LYPD1: variants seen among roughly 807,000 people sequenced by gnomAD.
LYPD1 encodes the protein ly6/PLAUR domain-containing protein 1.
LYPD1 carries 14 observed loss-of-function variants against 14.2 expected under a neutral mutation model. The ratio of observed to expected loss-of-function variants is 0.99; its 90% CI spans 0.65 to 1.54. The LOEUF (loss-of-function observed/expected upper bound fraction) is 1.54. Among genes scored for constraint, LYPD1 ranks in the 40% most tolerant of loss-of-function variants. The probability of loss-of-function intolerance (pLI) is 0.00; values close to 1 mark genes in which losing one functional copy is unlikely to be tolerated. For missense variants in LYPD1, 165 were observed against 175.7 expected, an observed-to-expected ratio of 0.94 and a Z score of 0.34; for synonymous variants, 85 against 70.6, an observed-to-expected ratio of 1.20 and a Z score of -1.02.
intron 2 of LYPD1, among the ~76,000 whole-genome samples, chr2:132,649,914 C>A (rs1682288594): frequency 1.3e-5 from 2 of 152,014 alleles, no homozygotes; most frequent in African/African-American, 4.8e-5. Context: ...AAAGGCTATT[C>A]TATGACATAA....
chr2:132,651,754 T>G (rs1470173669), intron 2 of LYPD1, among the ~76,000 whole-genome samples: 1 of 152,184 alleles, frequency 6.6e-6, no homozygotes, highest in African/African-American at 2.4e-5. Context: ...CACAAAGCAA[T>G]ATAATACGTG....
rs771694706 is a variant in LYPD1 at position 132,645,367 on chromosome 2, C to A, written c.*678G>T. 1 of 1,613,886 alleles carries A rather than the reference C, an allele frequency of 6.2e-7. No homozygotes were observed. Among genetic ancestry groups the A allele is most frequent in the Admixed American group, 1.7e-5 (1 of 60,016 alleles). Reference sequence around the variant, plus strand: ...GCACGCCAACCACGAGAAGCGCCTGCGCGTACATGCGCACTCCACCACCGA... The same window carrying A: ...GCACGCCAACCACGAGAAGCGCCTGAGCGTACATGCGCACTCCACCACCGA... On this transcript the variant is annotated 3_prime_UTR_variant, in exon 3 of 3. Coordinates refer to ENST00000397463, the MANE Select transcript of LYPD1 (RefSeq NM_144586.7).
intron 2 of LYPD1, among the ~76,000 whole-genome samples, chr2:132,663,366 C>T (rs368714328): frequency 1.9e-3 from 284 of 152,288 alleles, no homozygotes; most frequent in African/African-American, 6.5e-3. Context: ...CTCCACCTCC[C>T]GGGTTCAAGC....
At chr2:132,648,252 TGA>T (rs1682211392) in intron 2 of LYPD1, among the ~76,000 whole-genome samples, 3 of 150,744 alleles carry the variant, frequency 2.0e-5, no homozygotes, top group Admixed American at 6.6e-5. Flanking sequence ...TTTCTTTAAG[TGA>T]ATTTTTAAAC....
chr2:132,670,511 T>A (rs1283506198), upstream of LYPD1, among the ~76,000 whole-genome samples: 1 of 152,076 alleles, frequency 6.6e-6, no homozygotes, highest in African/African-American at 2.4e-5. This position sits in a 1 kb window ranked among gnomAD's most constrained non-coding sequence, Gnocchi z 4.5. Context: ...GTCTGAGGAC[T>A]GCGTGCCCGG....
intron 2 of LYPD1, among the ~76,000 whole-genome samples, chr2:132,649,911 A>G (rs1410373544): frequency 1.3e-5 from 2 of 152,168 alleles, no homozygotes; most frequent in South Asian, 2.1e-4. Context: ...TGTAAAGGCT[A>G]TTCTATGACA....
At chr2:132,668,190 CCCTTGGGGAGAAG>C (rs1490086583) in intron 2 of LYPD1, among the ~76,000 whole-genome samples, 197 bp downstream of exon 2, 2 of 147,194 alleles carry the variant, frequency 1.4e-5, no homozygotes, top group Non-Finnish European at 3.0e-5. Flanking sequence ...CCTCCCAAGA[CCCTTGGGGAGAAG>C]CCTTGGTAAT....
chr2:132,645,949 TA>T lies in LYPD1; in HGVS notation c.*95del. On this transcript the variant is annotated 3_prime_UTR_variant, in exon 3 of 3. Coordinates refer to ENST00000397463, the MANE Select transcript of LYPD1 (RefSeq NM_144586.7). ...ACGGACTCCCGCTCCCTACCCAGAA[TA>T]AAAGGACACCCAGAAGAAACTCACT... The T allele has an allele frequency of 1.1e-6, 1 of 919,730 alleles. No individual in the cohort carries two copies. The highest frequency in any genetic ancestry group is 1.6e-6 in the Non-Finnish European group (1 of 620,596). The allele number at this position is 919,730 out of a possible 1,614,324, so 57.0% of individuals were successfully genotyped here. A position where few individuals can be genotyped will look rare whatever the true frequency, so the allele number is the denominator to read the frequency against.
At chr2:132,647,765 C>A (rs1418606804) in intron 2 of LYPD1, among the ~76,000 whole-genome samples, 3 of 152,178 alleles carry the variant, frequency 2.0e-5, no homozygotes, top group Non-Finnish European at 4.4e-5. Context: ...AGCATCCCAC[C>A]AGCAGCCGGG....
Position 132,669,817 on chromosome 2 carries a change from A to G in LYPD1, c.52+64T>C, listed in dbSNP as rs1257259471. 1.9e-6 allele frequency: 3 copies of G among 1,591,314 alleles called. No individual in the cohort carries two copies. The highest frequency in any genetic ancestry group is 1.7e-5 in the Admixed American group (1 of 57,352). On this transcript the variant is annotated intron_variant, in intron 1 of 2. Coordinates refer to ENST00000397463, the MANE Select transcript of LYPD1 (RefSeq NM_144586.7). The surrounding 1 kb of genome is among the most constrained non-coding windows in gnomAD (Gnocchi z 4.3). The stretch of plus-strand genomic sequence containing the variant: ...CCGAGGTGGGCGCCTTGGGGGCAAA[A>G]GGGCTGGCGGGTAGATGGATTGTGC...
intron 2 of LYPD1, among the ~76,000 whole-genome samples, chr2:132,655,514 ATTTTTTTT>A (rs1180944589): frequency 1.0e-5 from 1 of 99,494 alleles, no homozygotes; most frequent in Non-Finnish European, 1.8e-5. Flanking sequence ...GTTGAGAAGC[ATTTTTTTT>A]TTTTTTTTTT....
intron 2 of LYPD1, among the ~76,000 whole-genome samples, chr2:132,661,848 A>T (rs1468154113): frequency 6.6e-6 from 1 of 152,242 alleles, no homozygotes; most frequent in African/African-American, 2.4e-5. Context: ...AAAACCACAT[A>T]ATTGCATACT....
intron 2 of LYPD1, among the ~76,000 whole-genome samples, chr2:132,653,702 A>G (rs776747963): frequency 2.0e-5 from 3 of 152,236 alleles, no homozygotes; most frequent in Non-Finnish European, 4.4e-5. Context: ...TTACAGTGGA[A>G]AAACCCAGCA....
intron 2 of LYPD1, among the ~76,000 whole-genome samples, chr2:132,653,941 A>T (rs1682447902): frequency 6.6e-6 from 1 of 152,234 alleles, no homozygotes; most frequent in Non-Finnish European, 1.5e-5. Flanking sequence ...CACAAAAGAC[A>T]TGGAAAGAAT....
At chr2:132,662,291 G>A (rs570316017) in intron 2 of LYPD1, among the ~76,000 whole-genome samples, 1 of 152,246 alleles carries the variant, frequency 6.6e-6, no homozygotes, top group South Asian at 2.1e-4. Context: ...TATACTGACC[G>A]CATTTCTCAT....
intron 2 of LYPD1, among the ~76,000 whole-genome samples, chr2:132,658,899 A>G (rs183985184): frequency 1.6e-3 from 241 of 152,308 alleles, no homozygotes; most frequent in African/African-American, 5.6e-3. Flanking sequence ...AGGACTGGCC[A>G]GTGGTAACCT....
At chr2:132,664,802 T>C (rs776031234) in intron 2 of LYPD1, among the ~76,000 whole-genome samples, 1 of 152,220 alleles carries the variant, frequency 6.6e-6, no homozygotes, top group Non-Finnish European at 1.5e-5. Flanking sequence ...TTCACATTCT[T>C]TATTCCCTGG....
At chr2:132,660,261 A>G (rs1417980862) in intron 2 of LYPD1, among the ~76,000 whole-genome samples, 1 of 152,244 alleles carries the variant, frequency 6.6e-6, no homozygotes, top group Non-Finnish European at 1.5e-5. Context: ...TGGTTTGCAA[A>G]GTCATAAACC....
Position 132,645,579 on chromosome 2 carries a change from G to T in LYPD1, c.*466C>A, listed in dbSNP as rs1035250437. 3 of 1,613,702 alleles carry T rather than the reference G, an allele frequency of 1.9e-6. No homozygotes were observed. In the Admixed American group the frequency reaches 5.0e-5, roughly 27 times the overall value. ...CGAAACCAGCCAATTCTGCTGCAGAGAATGGTTTTCAGGAGCATGAAGTTT... is the reference window on the plus strand; with the variant it reads ...CGAAACCAGCCAATTCTGCTGCAGATAATGGTTTTCAGGAGCATGAAGTTT... On this transcript the variant is annotated 3_prime_UTR_variant, in exon 3 of 3. Coordinates refer to ENST00000397463, the MANE Select transcript of LYPD1 (RefSeq NM_144586.7).
Sources: gnomAD v4.1 joint callset for allele counts (sites outside exome capture counted in the v4.1 genomes callset) on GRCh38, gnomAD v4.1.1 for gene constraint, Gnocchi (gnomAD v3.1) non-coding constraint, MANE v1.5 for transcripts, NCBI Gene and HGNC (gene_info 2026-07-23, HGNC 2026-07-21) for gene names.